PLAC1: variants seen among roughly 807,000 people sequenced by gnomAD.
PLAC1 encodes placenta-specific protein 1.
For missense variants in PLAC1, 136 were observed against 163.2 expected (o/e 0.83, Z 0.91); for synonymous variants, 68 against 62.1 (o/e 1.09, Z -0.44).
chrX:134,709,863 T>G (rs2078622587), intron 2 of PLAC1, among the ~76,000 whole-genome samples: 2 of 111,862 alleles, frequency 1.8e-5, no homozygotes, highest in African/African-American at 6.5e-5. Context: ...GATCTAACTG[T>G]TAAAAGCAAA....
chrX:134,685,465 T>G (rs2078513676), intron 2 of PLAC1, among the ~76,000 whole-genome samples: 1 of 97,361 alleles, frequency 1.0e-5, no homozygotes. Context: ...TTTTTTTTTT[T>G]TTTTTTTTTG....
intron 1 of PLAC1, among the ~76,000 whole-genome samples, chrX:134,646,991 C>T (rs763878434): frequency 1.1e-4 from 12 of 112,103 alleles, no homozygotes; most frequent in East Asian, 2.8e-4. Flanking sequence ...GGCATGCATA[C>T]GTACCTCCTT....
At chrX:134,641,265 G>A (rs971368660) in intron 1 of PLAC1, among the ~76,000 whole-genome samples, 3 of 110,518 alleles carry the variant, frequency 2.7e-5, no homozygotes, top group Non-Finnish European at 5.7e-5. Context: ...CAAAAAAAAA[G>A]AAGAAGAAGA....
chrX:134,674,968 T>C (rs1284823770), intron 2 of PLAC1, among the ~76,000 whole-genome samples: 2 of 112,529 alleles, frequency 1.8e-5, no homozygotes. Context: ...CTTTATTCTC[T>C]TCAATTCTTA....
At chrX:134,632,609 G>A (rs754424974) in intron 1 of PLAC1, among the ~76,000 whole-genome samples, 3 of 111,316 alleles carry the variant, frequency 2.7e-5, no homozygotes, top group African/African-American at 9.8e-5. Context: ...GTCCCATCCC[G>A]TCCTGTCCCA....
At chrX:134,634,889 GT>G (rs1279854078) in intron 1 of PLAC1, among the ~76,000 whole-genome samples, 2 of 112,116 alleles carry the variant, frequency 1.8e-5, no homozygotes, top group African/African-American at 6.5e-5. Context: ...ATGTGTAGGA[GT>G]GGAACTGCTG....
At chrX:134,743,553 T>TA (rs781440583) in intron 1 of PLAC1, among the ~76,000 whole-genome samples, 28 of 111,587 alleles carry the variant, frequency 2.5e-4, no homozygotes, top group Middle Eastern at 4.6e-3. Context: ...AAAGACGTAG[T>TA]AAAAAACCAA....
chrX:134,697,678 G>GC (rs1235089255), intron 2 of PLAC1, among the ~76,000 whole-genome samples: 2 of 111,498 alleles, frequency 1.8e-5, no homozygotes, highest in East Asian at 5.7e-4. Context: ...GACCAGCCTG[G>GC]CCAACATGGT....
chrX:134,598,437 G>A (rs6635006), intron 2 of PLAC1, among the ~76,000 whole-genome samples: 47,576 of 110,652 alleles, frequency 0.43, 8,047 homozygotes, highest in East Asian at 0.9. Flanking sequence ...CAGGGTATTT[G>A]ATGTCTATAT....
chrX:134,730,622 A>AT (rs1335620630), intron 2 of PLAC1, among the ~76,000 whole-genome samples: 2 of 110,027 alleles, frequency 1.8e-5, no homozygotes, highest in Non-Finnish European at 3.8e-5. Flanking sequence ...TTTTTTAAAA[A>AT]TTTTTTTGTA....
intron 1 of PLAC1, among the ~76,000 whole-genome samples, chrX:134,636,666 G>A (rs898495302): frequency 3.6e-5 from 4 of 112,193 alleles, no homozygotes; most frequent in African/African-American, 1.3e-4. Context: ...ATGAAGTATA[G>A]CATTTGGGTG....
At position 134,673,517 on chromosome X, in the gene PLAC1, A is replaced by AT. The variant is rs1280792700; in HGVS notation, n.174+59917dup. 8.9e-3 allele frequency among the ~76,000 whole-genome samples: 933 copies of AT among 104,617 alleles called. 11 individuals carry two copies. Among genetic ancestry groups the AT allele is most frequent in the African/African-American group, 0.029 (841 of 28,864 alleles). The allele number at this position is 104,617 out of a possible 115,157, so 90.8% of individuals were successfully genotyped here. ...ATGTGAAAGTCTCATCATAGTCTCA[A>AT]TTTTTTTTTTTTTAATAAATGGAGA... On this transcript the variant is annotated intron_variant and non_coding_transcript_variant, in intron 2 of 2. Coordinates refer to the PLAC1 transcript ENST00000466797.
At chrX:134,648,385 T>TA (rs1172722004) in intron 1 of PLAC1, among the ~76,000 whole-genome samples, 5 of 111,995 alleles carry the variant, frequency 4.5e-5, no homozygotes, top group Non-Finnish European at 7.5e-5. Context: ...CAATGCCTTT[T>TA]AAAAAAACAT....
At chrX:134,760,926 T>C (rs898155773) in intron 1 of PLAC1, among the ~76,000 whole-genome samples, 4 of 110,750 alleles carry the variant, frequency 3.6e-5, no homozygotes, top group African/African-American at 1.3e-4. Context: ...TGCTTGTGGG[T>C]AAGAGACCTC....
intron 1 of PLAC1, among the ~76,000 whole-genome samples, chrX:134,763,457 C>T (rs1000522692): frequency 9.0e-6 from 1 of 111,279 alleles, no homozygotes; most frequent in Non-Finnish European, 1.9e-5. Flanking sequence ...ACCTCAGCCC[C>T]TCATGTTCCC....
intron 1 of PLAC1, among the ~76,000 whole-genome samples, chrX:134,627,250 G>A (rs953893476): frequency 9.0e-6 from 1 of 111,617 alleles, no homozygotes; most frequent in Non-Finnish European, 1.9e-5. Flanking sequence ...TGGTATGAAA[G>A]GCCTTGTGCT....
chrX:134,696,028 A>T (rs766680478), intron 2 of PLAC1, among the ~76,000 whole-genome samples: 1 of 111,376 alleles, frequency 9.0e-6, no homozygotes, highest in South Asian at 3.8e-4. Flanking sequence ...ATAAACAATG[A>T]CTTTTTTTGG....
At chrX:134,661,842 TA>T (rs746948369), upstream of PLAC1, among the ~76,000 whole-genome samples, 4 of 112,412 alleles carry the variant, frequency 3.6e-5, no homozygotes, top group Admixed American at 9.4e-5. Flanking sequence ...GGTGTGCTCA[TA>T]CCAACTTACA....
intron 1 of PLAC1, among the ~76,000 whole-genome samples, chrX:134,656,793 C>T (rs1393719563): frequency 9.0e-6 from 1 of 111,549 alleles, no homozygotes; most frequent in Non-Finnish European, 1.9e-5. Flanking sequence ...CCCTACATTG[C>T]TCAGGCTGGT....
Sources: allele counts gnomAD v4.1 joint callset (sites outside exome capture counted in the v4.1 genomes callset), GRCh38; gene constraint gnomAD v4.1.1; transcripts MANE v1.5; gene names NCBI Gene and HGNC (gene_info 2026-07-23, HGNC 2026-07-21).